The following ERICH1 variants were observed in gnomAD, a reference collection of about 807,000 sequenced individuals.
ERICH1 encodes glutamate rich 1, also known as glutamate-rich protein 1.
In ERICH1, 56 loss-of-function variants were observed where a neutral mutation model predicts 39.6. The observed-to-expected ratio is 1.41, with a 90% CI of 1.14 to 1.77. ERICH1 has a LOEUF of 1.77. Among genes scored for constraint, ERICH1 ranks in the 40% most tolerant of loss-of-function variants. The pLI is 0.00. For synonymous variants in ERICH1, 313 were observed against 223.6 expected (o/e 1.40, Z -3.57); for missense variants, 826 against 575.4 (o/e 1.44, Z -4.45).
intron 3 of ERICH1, among the ~76,000 whole-genome samples, chr8:679,092 C>G (rs1036590753): frequency 1.3e-5 from 2 of 151,086 alleles, no homozygotes; most frequent in African/African-American, 4.9e-5. Context: ...AGTGACCCCT[C>G]ACAGCTCCGA....
At chr8:635,360 C>A (rs1162168387) in intron 3 of ERICH1, among the ~76,000 whole-genome samples, 1 of 152,202 alleles carries the variant, frequency 6.6e-6, no homozygotes, top group South Asian at 2.1e-4. Context: ...AAGCCCGGGC[C>A]GTTGGGACCA....
At chr8:706,080 G>A (rs1027776491) in intron 2 of ERICH1, among the ~76,000 whole-genome samples, 3 of 152,160 alleles carry the variant, frequency 2.0e-5, no homozygotes, top group Non-Finnish European at 4.4e-5. Flanking sequence ...CTGATTGGGC[G>A]AGCAGCCTGG....
chr8:725,343 T>A (rs1398713322), intron 1 of ERICH1: 1 of 153,722 alleles, frequency 6.5e-6, no homozygotes. Context: ...GAACCTTGCA[T>A]GTGATCGGTC....
At chr8:670,962 C>T (rs527614466) in intron 4 of ERICH1, among the ~76,000 whole-genome samples, 2 of 151,902 alleles carry the variant, frequency 1.3e-5, no homozygotes, top group African/African-American at 4.8e-5. Context: ...TCTGCACCTG[C>T]CAGCCCCAGC....
exon 4 of ERICH1, chr8:614,865 T>A (rs1010018660): frequency 6.4e-5 from 13 of 204,276 alleles, no homozygotes; most frequent in Middle Eastern, 1.8e-3. Context: ...GGAAGTTGGA[T>A]GGGAACAACC....
chr8:694,521 C>T (rs1438771496), intron 2 of ERICH1, among the ~76,000 whole-genome samples: 5 of 152,180 alleles, frequency 3.3e-5, no homozygotes, highest in Non-Finnish European at 7.3e-5. Flanking sequence ...GCTAAGAGGA[C>T]GGGTCCAAAA....
At chr8:627,015 A>G (rs1469875470) in intron 3 of ERICH1, 2 of 429,576 alleles carry the variant, frequency 4.7e-6, no homozygotes, top group African/African-American at 2.0e-5. Context: ...AGCTCTCGTC[A>G]TGGTGTCCGA....
chr8:621,500 T>A (rs1055730481), intron 3 of ERICH1, among the ~76,000 whole-genome samples: 10 of 151,578 alleles, frequency 6.6e-5, no homozygotes, highest in African/African-American at 1.9e-4. Context: ...TTAATAAAAA[T>A]TTTTTAAATA....
chr8:663,893 G>A (rs922954057), downstream of ERICH1, among the ~76,000 whole-genome samples: 1 of 152,042 alleles, frequency 6.6e-6, no homozygotes, highest in Non-Finnish European at 1.5e-5. Context: ...CAGAGTAGCT[G>A]GGACTACAGG....
At chr8:638,330 CT>C (rs1798611540) in intron 3 of ERICH1, among the ~76,000 whole-genome samples, 1 of 152,220 alleles carries the variant, frequency 6.6e-6, no homozygotes, top group African/African-American at 2.4e-5. Context: ...GACAGCCACG[CT>C]TGGGCACGTT....
intron 2 of ERICH1, among the ~76,000 whole-genome samples, chr8:703,674 G>T (rs1462299590): frequency 3.3e-5 from 5 of 152,174 alleles, no homozygotes; most frequent in Non-Finnish European, 7.3e-5. Context: ...ACTCTGAGAC[G>T]CAGTGACAAA....
At chr8:665,506 C>A (rs968029778) in intron 5 of ERICH1, among the ~76,000 whole-genome samples, 1 of 152,230 alleles carries the variant, frequency 6.6e-6, no homozygotes, top group Non-Finnish European at 1.5e-5. Flanking sequence ...ACACTCCCCC[C>A]AGGCAGGCTC....
chr8:655,718 CT>C (rs1800574354), intron 3 of ERICH1, among the ~76,000 whole-genome samples: 1 of 141,550 alleles, frequency 7.1e-6, no homozygotes, highest in Non-Finnish European at 1.6e-5. Context: ...TTTCCTTCCT[CT>C]GTGCCCCACT....
chr8:625,415 G>T (rs1370984931), intron 3 of ERICH1, among the ~76,000 whole-genome samples: 3 of 152,178 alleles, frequency 2.0e-5, no homozygotes, highest in African/African-American at 7.2e-5. Context: ...CACGTCCACA[G>T]AAGTGGACAA....
intron 2 of ERICH1, among the ~76,000 whole-genome samples, chr8:693,427 T>C (rs760765386): frequency 1.3e-5 from 2 of 152,246 alleles, no homozygotes; most frequent in Non-Finnish European, 2.9e-5. Context: ...TCATATCCCA[T>C]GCGATGGAAT....
Position 673,526 on chromosome 8 carries a change from C to T in ERICH1, c.826G>A (p.Asp276Asn), listed in dbSNP as rs192328459. 1.2e-6 allele frequency: 2 copies of T among 1,613,046 alleles called. No homozygotes were observed. The highest frequency in any genetic ancestry group is 4.5e-5 in the East Asian group (2 of 44,828). ...VKDAREEDGV[D>N]TIEEDLTRAG... ...CGTGTCAGGTCTTCCTCAATGGTGTCCACACCGTCCTCCTCCCTGGCGTCT... is the reference window on the plus strand; with the variant it reads ...CGTGTCAGGTCTTCCTCAATGGTGTTCACACCGTCCTCCTCCCTGGCGTCT... Residue 276 changes from aspartate to asparagine, a missense_variant, in exon 4 of 6, where the codon GAC becomes AAC. By Grantham distance (23) the Asp-to-Asn change is conservative (BLOSUM62 1). Transcript: ENST00000262109.
intron 3 of ERICH1, 138 bp downstream of exon 3, chr8:692,340 G>T: frequency 8.2e-7 from 1 of 1,216,786 alleles, no homozygotes; most frequent in South Asian, 1.5e-5. Flanking sequence ...TACACCATGT[G>T]GTTCATTATA....
At chr8:699,691 TCACACAGGCG>T (rs1182786958) in intron 2 of ERICH1, among the ~76,000 whole-genome samples, 2 of 121,288 alleles carry the variant, frequency 1.6e-5, no homozygotes, top group East Asian at 5.3e-4. Flanking sequence ...GTGCACAGAC[TCACACAGGCG>T]CACAGACCCG....
At chr8:640,660 T>A (rs893751852) in intron 3 of ERICH1, 2 of 152,212 alleles carry the variant, frequency 1.3e-5, no homozygotes, top group African/African-American at 4.8e-5. Flanking sequence ...CGCCAGGTGA[T>A]GAGTGGCATG....
Sources: gnomAD v4.1 joint callset for allele counts (sites outside exome capture counted in the v4.1 genomes callset) on GRCh38, gnomAD v4.1.1 for gene constraint, MANE v1.5 for transcripts, NCBI Gene and HGNC (gene_info 2026-07-23, HGNC 2026-07-21) for gene names.